Variants in CACNA1C observed in about 807,000 individuals in gnomAD.
CACNA1C encodes calcium voltage-gated channel subunit alpha1 C, also known as voltage-dependent L-type calcium channel subunit alpha-1C.
Under a neutral mutation model 229.0 loss-of-function variants are expected in CACNA1C, and 30 were observed. The observed-to-expected ratio is 0.13, with a 90% CI of 0.10 to 0.18. The LOEUF (loss-of-function observed/expected upper bound fraction) is 0.18. CACNA1C is among the 10% of genes least tolerant of loss of function. The probability of loss-of-function intolerance (pLI) is 1.00; values close to 1 mark genes in which losing one functional copy is unlikely to be tolerated. For synonymous variants in CACNA1C, 1,114 were observed against 1,132.5 expected (o/e 0.98, Z 0.33); for missense variants, 1,658 against 2,845.0 (o/e 0.58, Z 9.49).
In CACNA1C at chr12:2,346,970, G is replaced by A. The variant is rs1328076494; in HGVS notation, c.478-102006G>A. ...CTTTGTATAACCCTTTCCACTGGCTGGGGCCACAGACCTTACAGGACTAAG... is the reference window on the plus strand; with the variant it reads ...CTTTGTATAACCCTTTCCACTGGCTAGGGCCACAGACCTTACAGGACTAAG... On this transcript the variant is annotated intron_variant, in intron 3 of 46. Transcript: ENST00000399655. This position sits in a 1 kb window ranked among gnomAD's most constrained non-coding sequence, Gnocchi z 4.4. Among the ~76,000 whole-genome samples the A allele has an allele frequency of 6.6e-6, 1 of 152,106 alleles. No individual in the cohort carries two copies. Among genetic ancestry groups the A allele is most frequent in the Non-Finnish European group, 1.5e-5 (1 of 68,016 alleles).
rs1289187678 is a variant in CACNA1C, at chr12:2,607,075, G to A, written c.3301G>A (p.Val1101Ile). 1.2e-6 allele frequency: 2 copies of A among 1,613,964 alleles called. No homozygotes were observed. Among genetic ancestry groups the A allele is most frequent in the Non-Finnish European group, 8.5e-7 (1 of 1,179,892 alleles). ...WENSKFDFDNVLAAMMALFTV... is the reference protein window; with the variant it reads ...WENSKFDFDNILAAMMALFTV... The stretch of plus-strand genomic sequence containing the variant: ...GAACAGCAAGTTTGACTTTGACAAT[G>A]TTCTGGCAGCCATGATGGCCCTCTT... Residue 1101 changes from valine (V) to isoleucine (I), a missense_variant, in exon 26 of 47, where the codon GTT (valine) becomes ATT (isoleucine). Physicochemically the swap from Val to Ile is conservative, Grantham distance 29. Coordinates refer to ENST00000399655, the MANE Select transcript of CACNA1C (RefSeq NM_000719.7).
At chr12:2,236,771 G>A (rs550251528) in intron 3 of CACNA1C, among the ~76,000 whole-genome samples, 1 of 152,282 alleles carries the variant, frequency 6.6e-6, no homozygotes, top group Admixed American at 6.5e-5. Flanking sequence ...GAGCAGAGGC[G>A]ATAGTTGAAG....
intron 1 of CACNA1C, among the ~76,000 whole-genome samples, chr12:2,095,121 C>T (rs988955384): frequency 6.6e-6 from 1 of 152,190 alleles, no homozygotes; most frequent in Non-Finnish European, 1.5e-5. Context: ...TTGCTGTTAA[C>T]CACCAGATCA....
intron 3 of CACNA1C, among the ~76,000 whole-genome samples, chr12:2,199,004 G>A (rs940701967): frequency 6.6e-6 from 1 of 152,168 alleles, no homozygotes; most frequent in Non-Finnish European, 1.5e-5. Context: ...TTTGTTGCAA[G>A]TTTGTCCTTT....
intron 3 of CACNA1C, among the ~76,000 whole-genome samples, chr12:2,408,003 C>G (rs1228986648): frequency 6.6e-6 from 1 of 152,252 alleles, no homozygotes; most frequent in Non-Finnish European, 1.5e-5. Context: ...AACGTCCATC[C>G]TCATCAGGCT....
At chr12:2,339,926 C>T (rs1211643369) in intron 3 of CACNA1C, among the ~76,000 whole-genome samples, 1 of 152,110 alleles carries the variant, frequency 6.6e-6, no homozygotes, top group Non-Finnish European at 1.5e-5. Flanking sequence ...TCCTTCCAGT[C>T]TTTACCATGC....
At chr12:2,283,651 A>G (rs1018749730) in intron 3 of CACNA1C, among the ~76,000 whole-genome samples, 2 of 152,230 alleles carry the variant, frequency 1.3e-5, no homozygotes, top group African/African-American at 2.4e-5. Flanking sequence ...CACATGGTCT[A>G]AAGACAGTGC....
rs1171018866 is a variant in CACNA1C at position 2,679,178 on chromosome 12, T to C, written c.5092-266T>C. On this transcript the variant is annotated intron_variant, in intron 41 of 46. Transcript: ENST00000399655. The surrounding 1 kb of genome is among the most constrained non-coding windows in gnomAD (Gnocchi z 5.5). ...GTACCAGCGGCAGCCCCTTGCCCAA[T>C]CCCATCCCCACTGGTGGGTGGGTTC... Among the ~76,000 whole-genome samples the C allele has an allele frequency of 6.6e-6, 1 of 152,054 alleles. No individual in the cohort carries two copies. The highest frequency in any genetic ancestry group is 1.5e-5 in the Non-Finnish European group (1 of 67,976).
intron 1 of CACNA1C, among the ~76,000 whole-genome samples, chr12:2,094,606 C>CA (rs1442764581): frequency 1.3e-5 from 2 of 152,152 alleles, no homozygotes; most frequent in Non-Finnish European, 2.9e-5. Flanking sequence ...CCTCAGTTTA[C>CA]AGATGAGGTG....
rs1555425896 is a variant in CACNA1C, at chr12:2,310,352, A to ATATATAT, written c.478-138624_478-138623insTATATAT. Among the ~76,000 whole-genome samples the ATATATAT allele has an allele frequency of 4.8e-3, 667 of 139,800 alleles. 1 individual carries two copies. The highest frequency in any genetic ancestry group is 7.2e-3 in the Middle Eastern group (2 of 278). 91.7% of individuals were successfully genotyped at this position (139,800 alleles called of 152,430 possible). ...CCTCTGCCTCCCAGTTAAAAAAAAA[A>ATATATAT]ATATATATATATATATATATGTATG... On this transcript the variant is annotated intron_variant, in intron 3 of 46. Transcript: ENST00000399655.
intron 30 of CACNA1C, chr12:2,641,893 T>G (rs2093745626): frequency 1.5e-6 from 1 of 652,994 alleles, no homozygotes; most frequent in Non-Finnish European, 2.8e-6. Flanking sequence ...AGAGCCACCC[T>G]CATTCCTAGA....
In CACNA1C at chr12:2,142,699, CT is replaced by C. The variant is rs2094364281; in HGVS notation, c.477+22271del. Among the ~76,000 whole-genome samples, 4 of 151,130 alleles carry C rather than the reference CT, an allele frequency of 2.6e-5. 1 individual carries two copies. In the South Asian group the frequency reaches 8.4e-4, roughly 32 times the overall value. On this transcript the variant is annotated intron_variant, in intron 3 of 46. Transcript: ENST00000399655. ...ATGATCCTGACCAAGGATCCTGATC[CT>C]TGATATCGACGATCCTGGCCTAGGC... is the stretch of plus-strand genomic sequence containing the variant.
intron 9 of CACNA1C, among the ~76,000 whole-genome samples, chr12:2,546,799 A>G (rs557523149): frequency 1.3e-5 from 2 of 152,362 alleles, no homozygotes; most frequent in South Asian, 4.1e-4. Context: ...GCAGACACAT[A>G]TATGTTTTGG....
At chr12:2,295,407 A>C (rs2093944754) in intron 3 of CACNA1C, among the ~76,000 whole-genome samples, 1 of 152,108 alleles carries the variant, frequency 6.6e-6, no homozygotes, top group Admixed American at 6.5e-5. Context: ...TCTCAGTGAA[A>C]CGTCCTTCCT....
intron 9 of CACNA1C, among the ~76,000 whole-genome samples, chr12:2,521,065 C>A (rs1446079785): frequency 6.6e-6 from 1 of 152,214 alleles, no homozygotes; most frequent in African/African-American, 2.4e-5. Context: ...AAAACGATAA[C>A]CTTGATAAGC....
chr12:2,335,084 T>A (rs2096651243), intron 3 of CACNA1C, among the ~76,000 whole-genome samples: 1 of 152,166 alleles, frequency 6.6e-6, no homozygotes, highest in South Asian at 2.1e-4. Context: ...TCTGAGATGC[T>A]CTGGGTTTGG....
In CACNA1C at chr12:2,668,993, C is replaced by T. The variant is rs267603430; in HGVS notation, c.4684C>T (p.Leu1562=). 4 of 1,614,054 alleles carry T rather than the reference C, an allele frequency of 2.5e-6. No homozygotes were observed. The highest frequency in any genetic ancestry group is 3.4e-6 in the Non-Finnish European group (4 of 1,180,008). Residue 1562 remains leucine, a synonymous_variant, in exon 38 of 47, where the codon CTG becomes TTG. Coordinates refer to ENST00000399655, the MANE Select transcript of CACNA1C (RefSeq NM_000719.7). Reference sequence around the variant, plus strand: ...CGGGACAGTCATGTTCAATGCCACCCTGTTTGCCCTGGTCAGGACGGCCCT... The same window carrying T: ...CGGGACAGTCATGTTCAATGCCACCTTGTTTGCCCTGGTCAGGACGGCCCT... The part of the protein sequence containing the change: ...SDGTVMFNAT[L]FALVRTALRI...
At chr12:2,427,110 G>C (rs978444729) in intron 3 of CACNA1C, among the ~76,000 whole-genome samples, 5 of 152,294 alleles carry the variant, frequency 3.3e-5, no homozygotes, top group Admixed American at 2.6e-4. Context: ...TTAGTAGGAA[G>C]GACATAGAAA....
At chr12:2,061,161 A>G (rs958829395) in intron 1 of CACNA1C, among the ~76,000 whole-genome samples, 9 of 151,268 alleles carry the variant, frequency 5.9e-5, no homozygotes, top group South Asian at 2.1e-4. Context: ...AAGTGGAGAT[A>G]ATAATCCTTA....
Sources: allele counts gnomAD v4.1 joint callset (sites outside exome capture counted in the v4.1 genomes callset), GRCh38; gene constraint gnomAD v4.1.1; non-coding constraint Gnocchi (gnomAD v3.1); transcripts MANE v1.5; gene names NCBI Gene and HGNC (gene_info 2026-07-23, HGNC 2026-07-21).